ELAVL3: variants seen among roughly 807,000 people sequenced by gnomAD.
The protein encoded by ELAVL3 is ELAV like RNA binding protein 3.
Under a neutral mutation model 34.2 loss-of-function variants are expected in ELAVL3, and 8 were observed. That is an observed-to-expected ratio of 0.23 (90% CI 0.14 to 0.42). The LOEUF (loss-of-function observed/expected upper bound fraction) is 0.42, where lower values mean the gene tolerates loss of function less well. Among genes scored for constraint, ELAVL3 ranks in the 10% least tolerant of loss-of-function variants. ELAVL3 has a pLI of 1.00. For missense variants in ELAVL3, 273 were observed against 518.8 expected, an observed-to-expected ratio of 0.53 and a Z score of 4.60; for synonymous variants, 209 against 222.1, an observed-to-expected ratio of 0.94 and a Z score of 0.53.
intron 1 of ELAVL3, among the ~76,000 whole-genome samples, chr19:11,477,611 G>C (rs2144916302): frequency 6.6e-6 from 1 of 151,878 alleles, no homozygotes; most frequent in East Asian, 1.9e-4. Flanking sequence ...GTTCTATGTT[G>C]AGTTGCTGAT....
intron 1 of ELAVL3, among the ~76,000 whole-genome samples, chr19:11,479,665 A>G (rs1421849627): frequency 6.6e-6 from 1 of 150,396 alleles, no homozygotes; most frequent in Non-Finnish European, 1.5e-5. Context: ...CGGGGCCTAG[A>G]TGGGCGTGCC....
In ELAVL3 at chr19:11,454,459, C is replaced by T; in HGVS notation, c.*67G>A. On this transcript the variant is annotated 3_prime_UTR_variant, in exon 7 of 7. Coordinates refer to ENST00000359227, the MANE Select transcript of ELAVL3 (RefSeq NM_001420.4). This position sits in a 1 kb window ranked among gnomAD's most constrained non-coding sequence, Gnocchi z 9.2. ...TCTCTCTTGGGCCCCTTCTCTCTCT[C>T]TCTCTCTCTTTCTCTCTCTCTCTCT... 7.1e-7 allele frequency: 1 copy of T among 1,399,186 alleles called. No individual in the cohort carries two copies. The highest frequency in any genetic ancestry group is 1.4e-5 in the South Asian group (1 of 70,852). The allele number at this position is 1,399,186 out of a possible 1,614,324, so 86.7% of individuals were successfully genotyped here. A position where few individuals can be genotyped will look rare whatever the true frequency, so the allele number is the denominator to read the frequency against.
intron 6 of ELAVL3, among the ~76,000 whole-genome samples, chr19:11,455,533 C>T (rs1219084390): frequency 3.3e-5 from 5 of 152,050 alleles, no homozygotes; most frequent in East Asian, 1.9e-4. Flanking sequence ...GTGATCCGCC[C>T]GCTTCGACCT....
chr19:11,475,507 T>C (rs1236318651), intron 1 of ELAVL3, among the ~76,000 whole-genome samples: 2 of 152,180 alleles, frequency 1.3e-5, no homozygotes, highest in African/African-American at 2.4e-5. Context: ...TCTTGCTATG[T>C]TGCCCAGGCT....
rs773073342 is a variant in ELAVL3, at chr19:11,454,751, C to T, written c.879G>A (p.Pro293=). The T allele has an allele frequency of 1.1e-5, 18 of 1,614,018 alleles. No individual in the cohort carries two copies. The highest frequency in any genetic ancestry group is 8.8e-5 in the South Asian group (8 of 91,092). ...GWCIFVYNLS[P]EADESVLWQL... is the part of the protein sequence containing the mutation. The stretch of plus-strand genomic sequence containing the variant: ...GCCACAGCACGCTCTCGTCTGCCTC[C>T]GGTGACAGGTTGTACACGAAGATGC... The change falls in exon 7 of 7, where the codon CCG becomes CCA. Residue 293 remains proline, a synonymous_variant. Coordinates refer to ENST00000359227, the MANE Select transcript of ELAVL3 (RefSeq NM_001420.4). The surrounding 1 kb of genome is among the most constrained non-coding windows in gnomAD (Gnocchi z 9.2).
intron 1 of ELAVL3, among the ~76,000 whole-genome samples, chr19:11,475,504 A>G (rs1487395412): frequency 6.6e-6 from 1 of 151,358 alleles, no homozygotes; most frequent in Non-Finnish European, 1.5e-5. Context: ...GGATCTTGCT[A>G]TGTTGCCCAG....
chr19:11,472,207 G>A (rs1343999008), intron 1 of ELAVL3, among the ~76,000 whole-genome samples: 2 of 152,176 alleles, frequency 1.3e-5, no homozygotes, highest in African/African-American at 2.4e-5. Flanking sequence ...TTAGCCAGGT[G>A]TGGTAGTGGA....
Position 11,461,454 on chromosome 19 carries a change from TCCTCCCTC to T in ELAVL3, c.334-2851_334-2844del, listed in dbSNP as rs144122978. 3.9e-3 allele frequency among the ~76,000 whole-genome samples: 532 copies of T among 136,798 alleles called. 3 individuals are homozygous for T. The highest frequency in any genetic ancestry group is 0.015 in the African/African-American group (487 of 32,450). 89.7% of individuals were successfully genotyped at this position (136,798 alleles called of 152,430 possible). A position where few individuals can be genotyped will look rare whatever the true frequency, so the allele number is the denominator to read the frequency against. ...CCCTTATGTCTGCTGTATCTATTTT[TCCTCCCTC>T]CCTCCCTCCCTCCCTCCCTTCCTTC... is the stretch of plus-strand genomic sequence containing the variant. On this transcript the variant is annotated intron_variant, in intron 3 of 6. Coordinates refer to ENST00000359227, the MANE Select transcript of ELAVL3 (RefSeq NM_001420.4).
rs1388003336 is a variant in ELAVL3, at chr19:11,455,708, C to T, written c.753-831G>A. Among the ~76,000 whole-genome samples the T allele has an allele frequency of 3.3e-5, 5 of 152,254 alleles. No homozygotes were observed. In the East Asian group the frequency reaches 9.6e-4, roughly 29 times the overall value. ...TTGGAGTTCCAAAGTGCTGAAATTA[C>T]AGGTGTGAGCCACTGCACCCGGCTT... On this transcript the variant is annotated intron_variant, in intron 6 of 6. Transcript: ENST00000359227.
At position 11,454,075 on chromosome 19, in the gene ELAVL3, T is replaced by G; in HGVS notation, c.*451A>C. On this transcript the variant is annotated 3_prime_UTR_variant, in exon 7 of 7. Transcript: ENST00000359227. The surrounding 1 kb of genome is among the most constrained non-coding windows in gnomAD (Gnocchi z 9.2). ...CTCACGGTTCGCTTTTTTGGGGATT[T>G]TTAAACCTGTTCCTCCTACCCCAGG... 1 of 155,912 alleles carries G rather than the reference T, an allele frequency of 6.4e-6. No individual in the cohort carries two copies. Among genetic ancestry groups the G allele is most frequent in the Non-Finnish European group, 1.4e-5 (1 of 70,228 alleles). The allele number at this position is 155,912 out of a possible 1,614,324, so 9.7% of individuals were successfully genotyped here.
At chr19:11,475,612 CTTT>C (rs35672237) in intron 1 of ELAVL3, among the ~76,000 whole-genome samples, 19 of 133,724 alleles carry the variant, frequency 1.4e-4, no homozygotes, top group Admixed American at 8.3e-4. Context: ...TCACCATCTA[CTTT>C]TTTTTTTTTT....
Position 11,466,334 on chromosome 19 carries a change from C to G in ELAVL3, c.230-59G>C. 1.3e-6 allele frequency: 2 copies of G among 1,485,688 alleles called. No individual in the cohort carries two copies. Among genetic ancestry groups the G allele is most frequent in the Non-Finnish European group, 1.9e-6 (2 of 1,064,682 alleles). 92.0% of individuals were successfully genotyped at this position (1,485,688 alleles called of 1,614,324 possible). On this transcript the variant is annotated intron_variant, in intron 2 of 6. Transcript: ENST00000359227. The surrounding 1 kb of genome is among the most constrained non-coding windows in gnomAD (Gnocchi z 5.0). Reference sequence around the variant, plus strand: ...CCAGCCTTGACACCTGCCAGTGTCCCACCTCAGGCCTGAGAGACTGTCCCC... The same window carrying G: ...CCAGCCTTGACACCTGCCAGTGTCCGACCTCAGGCCTGAGAGACTGTCCCC...
intron 1 of ELAVL3, among the ~76,000 whole-genome samples, chr19:11,476,624 C>T (rs776001839): frequency 1.3e-5 from 2 of 151,886 alleles, no homozygotes; most frequent in African/African-American, 2.4e-5. Flanking sequence ...TCAGGCTGGG[C>T]TTGGTGGCTC....
chr19:11,453,458 G>T lies in ELAVL3; in HGVS notation c.*1068C>A. On this transcript the variant is annotated 3_prime_UTR_variant, in exon 7 of 7. Coordinates refer to ENST00000359227, the MANE Select transcript of ELAVL3 (RefSeq NM_001420.4). ...GGCATATGTCTGCGTGTTCCTGGGT[G>T]GTGTTTGTGTTTCTCCGTGACCTGG... 1 of 152,840 alleles carries T rather than the reference G, an allele frequency of 6.5e-6. No individual in the cohort carries two copies. 9.5% of individuals were successfully genotyped at this position (152,840 alleles called of 1,614,324 possible). A position where few individuals can be genotyped will look rare whatever the true frequency, so the allele number is the denominator to read the frequency against.
Position 11,458,719 on chromosome 19 carries a change from C to G in ELAVL3, c.334-108G>C. 1.4e-6 allele frequency: 2 copies of G among 1,404,754 alleles called. No individual in the cohort carries two copies. The highest frequency in any genetic ancestry group is 9.8e-7 in the Non-Finnish European group (1 of 1,024,304). 87.0% of individuals were successfully genotyped at this position (1,404,754 alleles called of 1,614,324 possible). A position where few individuals can be genotyped will look rare whatever the true frequency, so the allele number is the denominator to read the frequency against. On this transcript the variant is annotated intron_variant, in intron 3 of 6. Coordinates refer to ENST00000359227, the MANE Select transcript of ELAVL3 (RefSeq NM_001420.4). This position sits in a 1 kb window ranked among gnomAD's most constrained non-coding sequence, Gnocchi z 7.3. ...ACGGAGTTAGCAGAAGTGACCCATC[C>G]GTCACTCAATAAGTATCTCTAGAGT...
intron 1 of ELAVL3, among the ~76,000 whole-genome samples, chr19:11,477,691 ATTTT>A (rs963586249): frequency 8.3e-6 from 1 of 120,168 alleles, no homozygotes. Flanking sequence ...CTAGATCCCT[ATTTT>A]TTTTTTTTTT....
At chr19:11,462,294 G>GGA (rs1555732092) in intron 3 of ELAVL3, among the ~76,000 whole-genome samples, 1 of 150,808 alleles carries the variant, frequency 6.6e-6, no homozygotes, top group African/African-American at 2.4e-5. Flanking sequence ...GGGTTCTCCA[G>GGA]AAAAAAAAAT....
chr19:11,455,030 G>T (rs577273459), intron 6 of ELAVL3, among the ~76,000 whole-genome samples, 153 bp from the exon 7 acceptor site: 1 of 151,836 alleles, frequency 6.6e-6, no homozygotes, highest in African/African-American at 2.4e-5. Context: ...ACACGGTCTC[G>T]CTCTGTCACC....
At chr19:11,465,771 GA>G (rs999929368) in intron 3 of ELAVL3, among the ~76,000 whole-genome samples, 1 of 151,862 alleles carries the variant, frequency 6.6e-6, no homozygotes, top group Admixed American at 6.6e-5. Context: ...GTTGCACAAA[GA>G]TGGGGGATGG....
Sources: allele counts gnomAD v4.1 joint callset (sites outside exome capture counted in the v4.1 genomes callset), GRCh38; gene constraint gnomAD v4.1.1; non-coding constraint Gnocchi (gnomAD v3.1); transcripts MANE v1.5; gene names NCBI Gene and HGNC (gene_info 2026-07-23, HGNC 2026-07-21).